UGT1A10: variants seen among roughly 807,000 people sequenced by gnomAD.
The protein encoded by UGT1A10 is UDP-glucuronosyltransferase 1A10.
UGT1A10 carries 49 observed loss-of-function variants against 45.8 expected under a neutral mutation model. The observed-to-expected ratio is 1.07, with a 90% CI of 0.85 to 1.36. The LOEUF (loss-of-function observed/expected upper bound fraction) is 1.36, where lower values mean the gene tolerates loss of function less well. Ranked by LOEUF, UGT1A10 falls within the 40% of genes most tolerant of loss-of-function variation. The pLI, the probability that UGT1A10 is intolerant of heterozygous loss-of-function variation, is 0.00. For missense variants in UGT1A10, 745 were observed against 668.6 expected (o/e 1.11, Z -1.26); for synonymous variants, 284 against 249.7 (o/e 1.14, Z -1.29).
intron 1 of UGT1A10, among the ~76,000 whole-genome samples, chr2:233,646,957 T>C (rs2073622054): frequency 6.6e-6 from 1 of 152,144 alleles, no homozygotes; most frequent in South Asian, 2.1e-4. Context: ...GACTAAGGAA[T>C]TTACAAAAGA....
At chr2:233,760,188 CG>C (rs1250855848) in intron 1 of UGT1A10, 1 of 1,563,540 alleles carries the variant, frequency 6.4e-7, no homozygotes, top group Non-Finnish European at 8.6e-7. Context: ...TTTATAGTCA[CG>C]TGACACAGTC....
intron 1 of UGT1A10, chr2:233,693,797 A>C: frequency 1.2e-6 from 2 of 1,614,202 alleles, no homozygotes; most frequent in Non-Finnish European, 1.7e-6. Flanking sequence ...TGAATATCCT[A>C]GGCCGGTCAT....
At chr2:233,662,374 C>A (rs1158037062) in intron 1 of UGT1A10, among the ~76,000 whole-genome samples, 1 of 152,156 alleles carries the variant, frequency 6.6e-6, no homozygotes, top group Non-Finnish European at 1.5e-5. Context: ...ATCTCCATAA[C>A]ATTTTCTAAT....
chr2:233,731,567 G>C (rs187865178), intron 1 of UGT1A10, among the ~76,000 whole-genome samples: 1 of 152,286 alleles, frequency 6.6e-6, no homozygotes, highest in Non-Finnish European at 1.5e-5. Flanking sequence ...AGTTTGCTGA[G>C]AATGATGGTT....
At chr2:233,731,439 C>T (rs1335351159) in intron 1 of UGT1A10, among the ~76,000 whole-genome samples, 1 of 152,054 alleles carries the variant, frequency 6.6e-6, no homozygotes, top group Non-Finnish European at 1.5e-5. Context: ...TCCCCCAGTC[C>T]CCCACCCCAC....
At chr2:233,729,404 T>C (rs2077851412) in intron 1 of UGT1A10, 1 of 1,613,884 alleles carries the variant, frequency 6.2e-7, no homozygotes, top group East Asian at 2.2e-5. Flanking sequence ...GATCGCCATG[T>C]GCTGGGCCAC....
Position 233,769,517 on chromosome 2 carries a change from G to C in UGT1A10, c.1295+1078G>C. The C allele has an allele frequency of 6.2e-7, 1 of 1,612,844 alleles. No individual in the cohort carries two copies. The highest frequency in any genetic ancestry group is 8.5e-7 in the Non-Finnish European group (1 of 1,179,874). On this transcript the variant is annotated intron_variant, in intron 4 of 4. Coordinates refer to ENST00000344644, the MANE Select transcript of UGT1A10 (RefSeq NM_019075.4). This position sits in a 1 kb window ranked among gnomAD's most constrained non-coding sequence, Gnocchi z 4.4. ...AGAGTGTCCATTGCTTTCTCCCATG[G>C]TTACCTCCTTTAGAAAGAAGCAGCA...
intron 1 of UGT1A10, chr2:233,694,016 A>G: frequency 2.2e-6 from 3 of 1,386,912 alleles, no homozygotes; most frequent in South Asian, 2.7e-5. Flanking sequence ...GCGGGAACAC[A>G]TAGGAGACCT....
chr2:233,772,849 C>T lies in UGT1A10; in HGVS notation c.*290C>T, dbSNP rs1021003584. The T allele has an allele frequency of 7.7e-6, 6 of 777,596 alleles. No individual in the cohort carries two copies. In the African/African-American group the frequency reaches 8.9e-5, roughly 11 times the overall value. 48.2% of individuals were successfully genotyped at this position (777,596 alleles called of 1,614,324 possible). On this transcript the variant is annotated 3_prime_UTR_variant, in exon 5 of 5. Transcript: ENST00000344644. ...CTGGCATTCTAGATTACTTTTCTTACTCTGAAACATGGCCTGTTTGGGAGT... is the reference window on the plus strand; with the variant it reads ...CTGGCATTCTAGATTACTTTTCTTATTCTGAAACATGGCCTGTTTGGGAGT...
At chr2:233,713,564 C>T in intron 1 of UGT1A10, 1 of 1,613,960 alleles carries the variant, frequency 6.2e-7, no homozygotes, top group South Asian at 1.1e-5. Flanking sequence ...CAAACCCTTC[C>T]TCCTATATTC....
At position 233,768,350 on chromosome 2, in the gene UGT1A10, G is replaced by A; in HGVS notation, c.1206G>A (p.Glu402=). 1 of 1,614,182 alleles carries A rather than the reference G, an allele frequency of 6.2e-7. No individual in the cohort carries two copies. Among genetic ancestry groups the A allele is most frequent in the East Asian group, 2.2e-5 (1 of 44,880 alleles). Residue 402 remains glutamate, a synonymous_variant, in exon 4 of 5, where the codon GAG becomes GAA. Transcript: ENST00000344644. ...GDQMDNAKRM[E]TKGAGVTLNV... is the part of the protein sequence containing the mutation. ...AGATGGACAATGCAAAGCGCATGGA[G>A]ACTAAGGGAGCTGGAGTGACCCTGA... is the stretch of plus-strand genomic sequence containing the variant.
At chr2:233,727,764 G>T (rs117456176) in intron 1 of UGT1A10, among the ~76,000 whole-genome samples, 2 of 152,186 alleles carry the variant, frequency 1.3e-5, no homozygotes, top group Non-Finnish European at 2.9e-5. Flanking sequence ...CTTGAGCTGG[G>T]TGTCCCCCAG....
At chr2:233,643,112 G>T (rs917613731) in intron 1 of UGT1A10, among the ~76,000 whole-genome samples, 1 of 152,222 alleles carries the variant, frequency 6.6e-6, no homozygotes, top group Non-Finnish European at 1.5e-5. Context: ...GATACAGCCA[G>T]CCAGACCTGC....
chr2:233,719,410 T>G, intron 1 of UGT1A10: 1 of 1,613,994 alleles, frequency 6.2e-7, no homozygotes, highest in African/African-American at 1.3e-5. Context: ...ATTCCTAAGT[T>G]ACTAACGACC....
intron 1 of UGT1A10, chr2:233,713,240 A>C: frequency 6.2e-7 from 1 of 1,614,264 alleles, no homozygotes; most frequent in Non-Finnish European, 8.5e-7. Flanking sequence ...ATGCCATTTC[A>C]TGGACCCAGG....
chr2:233,676,320 C>G (rs574707496), intron 1 of UGT1A10, among the ~76,000 whole-genome samples: 1 of 152,252 alleles, frequency 6.6e-6, no homozygotes, highest in Admixed American at 6.5e-5. Context: ...TGTTGAGTGA[C>G]TTTTCTTACA....
chr2:233,697,939 AG>A (rs1460497490), intron 1 of UGT1A10, among the ~76,000 whole-genome samples: 1 of 152,252 alleles, frequency 6.6e-6, no homozygotes, highest in Non-Finnish European at 1.5e-5. Flanking sequence ...ATTGGAAAAA[AG>A]TAAATGAAAG....
chr2:233,694,649 T>G (rs1417184018), intron 1 of UGT1A10, among the ~76,000 whole-genome samples: 3 of 152,220 alleles, frequency 2.0e-5, no homozygotes, highest in African/African-American at 7.2e-5. Context: ...TTCCAGTTCC[T>G]TTTTTATCAG....
intron 1 of UGT1A10, among the ~76,000 whole-genome samples, chr2:233,681,552 AAAT>A (rs1422207100): frequency 6.6e-6 from 1 of 151,662 alleles, no homozygotes; most frequent in Non-Finnish European, 1.5e-5. Context: ...AAAAAAAAAA[AAAT>A]TGCAAATTTT....
Sources: allele counts gnomAD v4.1 joint callset (sites outside exome capture counted in the v4.1 genomes callset), GRCh38; gene constraint gnomAD v4.1.1; non-coding constraint Gnocchi (gnomAD v3.1); transcripts MANE v1.5; gene names NCBI Gene and HGNC (gene_info 2026-07-23, HGNC 2026-07-21).